The following TRDN variants were observed in gnomAD, a reference collection of about 807,000 sequenced individuals.
TRDN encodes the protein triadin, also known as triadin in skeletal muscle.
In TRDN, 161 loss-of-function variants were observed where a neutral mutation model predicts 149.7. That is an observed-to-expected ratio of 1.08 (90% CI 0.95 to 1.23). The LOEUF is 1.23. Ranked by LOEUF, TRDN falls within the 50% of genes most tolerant of loss-of-function variation. The probability of loss-of-function intolerance (pLI) is 0.00; values close to 1 mark genes in which losing one functional copy is unlikely to be tolerated. For missense variants in TRDN, 896 were observed against 823.5 expected (o/e 1.09, Z -1.08); for synonymous variants, 294 against 250.5 (o/e 1.17, Z -1.64).
At chr6:123,259,553 T>C in intron 35 of TRDN, 71 bp downstream of exon 35, 1 of 978,222 alleles carries the variant, frequency 1.0e-6, no homozygotes, top group South Asian at 1.5e-5. Context: ...ATATAATTTG[T>C]ATAAATTTGT....
intron 23 of TRDN, among the ~76,000 whole-genome samples, chr6:123,324,681 T>A (rs1266106138): frequency 6.6e-6 from 1 of 152,086 alleles, no homozygotes; most frequent in Non-Finnish European, 1.5e-5. Flanking sequence ...GTATTTCACC[T>A]ACATACAGCT....
intron 1 of TRDN, among the ~76,000 whole-genome samples, chr6:123,576,332 T>G (rs1156357165): frequency 6.6e-6 from 1 of 152,116 alleles, no homozygotes; most frequent in African/African-American, 2.4e-5. Context: ...CTCTGGACAC[T>G]TTTAATGAAT....
intron 1 of TRDN, among the ~76,000 whole-genome samples, chr6:123,627,094 G>C (rs1583345755): frequency 6.6e-6 from 1 of 151,616 alleles, no homozygotes; most frequent in African/African-American, 2.4e-5. Context: ...ACGCCCAGCT[G>C]ATTTTTTGTA....
At chr6:123,581,885 G>A (rs182491835) in intron 1 of TRDN, among the ~76,000 whole-genome samples, 1 of 152,258 alleles carries the variant, frequency 6.6e-6, no homozygotes, top group East Asian at 1.9e-4. Context: ...TTTCCAAGTG[G>A]CAACATCTGG....
At chr6:123,504,213 AG>A (rs1778819688) in intron 7 of TRDN, among the ~76,000 whole-genome samples, 1 of 152,066 alleles carries the variant, frequency 6.6e-6, no homozygotes, top group African/African-American at 2.4e-5. Flanking sequence ...CATGTCAACA[AG>A]GAGGCATTTG....
At chr6:123,368,649 C>T (rs957223343) in intron 19 of TRDN, among the ~76,000 whole-genome samples, 2 of 152,176 alleles carry the variant, frequency 1.3e-5, no homozygotes, top group Non-Finnish European at 2.9e-5. Context: ...ATTCAGAAAA[C>T]TAGAAACTCC....
Position 123,380,150 on chromosome 6 carries a change from G to A in TRDN, c.1186+1220C>T, listed in dbSNP as rs574220435. On this transcript the variant is annotated intron_variant, in intron 16 of 40. Transcript: ENST00000334268. The stretch of plus-strand genomic sequence containing the variant: ...CTATTTCTTCTCCTTATTGCTGCCC[G>A]AGTCACAATCTGAGGACCTTCTCAA... Among the ~76,000 whole-genome samples the A allele has an allele frequency of 1.1e-4, 16 of 152,226 alleles. No homozygotes were observed. In the South Asian group the frequency reaches 2.9e-3, roughly 28 times the overall value.
intron 2 of TRDN, among the ~76,000 whole-genome samples, chr6:123,558,458 G>A (rs1781798853): frequency 1.3e-5 from 2 of 151,946 alleles, no homozygotes; most frequent in Admixed American, 6.6e-5. Flanking sequence ...AAGGTGGCTG[G>A]AGCTAAAAGC....
intron 24 of TRDN, among the ~76,000 whole-genome samples, chr6:123,284,509 A>T (rs1456552127): frequency 1.3e-5 from 2 of 151,890 alleles, no homozygotes; most frequent in African/African-American, 2.4e-5. Context: ...TACAGGGGAA[A>T]CCCCTAAATG....
chr6:123,389,667 TG>T (rs1782035168), intron 13 of TRDN, among the ~76,000 whole-genome samples: 1 of 152,230 alleles, frequency 6.6e-6, no homozygotes, highest in African/African-American at 2.4e-5. Flanking sequence ...ATTTTCTAAA[TG>T]TTATTGACGT....
intron 24 of TRDN, among the ~76,000 whole-genome samples, chr6:123,295,697 C>T (rs1382972692): frequency 6.6e-6 from 1 of 152,026 alleles, no homozygotes; most frequent in East Asian, 1.9e-4. Context: ...AACGTGGTAG[C>T]TCATGCCTGT....
chr6:123,256,988 T>C (rs1249520578), intron 35 of TRDN, among the ~76,000 whole-genome samples: 1 of 3,200 alleles, frequency 3.1e-4, no homozygotes, highest in Non-Finnish European at 4.4e-4. Flanking sequence ...CTTTTCTTTC[T>C]TTTTTTTTTT....
intron 21 of TRDN, among the ~76,000 whole-genome samples, chr6:123,342,354 C>G (rs187197155): frequency 1.5e-3 from 235 of 151,912 alleles, no homozygotes; most frequent in African/African-American, 5.3e-3. Context: ...CTAAAGAATA[C>G]TCTTTCAAAG....
At chr6:123,456,771 A>G (rs1481214828) in intron 10 of TRDN, 1 of 455,430 alleles carries the variant, frequency 2.2e-6, no homozygotes, top group Non-Finnish European at 4.4e-6. Flanking sequence ...TTATTAAATG[A>G]GCAATTTCCA....
intron 19 of TRDN, 37 bp downstream of exon 19, chr6:123,375,568 C>T (rs928215999): frequency 6.6e-7 from 1 of 1,514,970 alleles, no homozygotes; most frequent in Non-Finnish European, 8.9e-7. Context: ...GTAAGCTGCC[C>T]AAATATGCTC....
At chr6:123,604,428 T>G (rs1784426592) in intron 1 of TRDN, among the ~76,000 whole-genome samples, 1 of 152,206 alleles carries the variant, frequency 6.6e-6, no homozygotes, top group African/African-American at 2.4e-5. Flanking sequence ...AAAATACATT[T>G]ACAATGCCTG....
intron 21 of TRDN, chr6:123,350,378 A>G: frequency 4.5e-6 from 4 of 887,262 alleles, no homozygotes; most frequent in Non-Finnish European, 5.4e-6. Context: ...TAAGAGTAAC[A>G]AAAATCATAT....
chr6:123,504,034 A>G, intron 7 of TRDN, 133 bp from the exon 8 acceptor site: 1 of 969,514 alleles, frequency 1.0e-6, no homozygotes. Context: ...TATGTTAAGA[A>G]CAGTATTTTT....
At chr6:123,301,439 C>T (rs1001759730) in intron 24 of TRDN, among the ~76,000 whole-genome samples, 6 of 151,800 alleles carry the variant, frequency 4.0e-5, no homozygotes, top group Non-Finnish European at 5.9e-5. Context: ...ACCTGAACAT[C>T]CAATTGATCT....
Sources: gnomAD v4.1 joint callset for allele counts (sites outside exome capture counted in the v4.1 genomes callset) on GRCh38, gnomAD v4.1.1 for gene constraint, MANE v1.5 for transcripts, NCBI Gene and HGNC (gene_info 2026-07-23, HGNC 2026-07-21) for gene names.